The following ANKRD17 variants were observed in gnomAD, a reference collection of about 807,000 sequenced individuals.
ANKRD17 encodes ankyrin repeat domain 17.
ANKRD17 carries 19 observed loss-of-function variants against 229.7 expected under a neutral mutation model. The ratio of observed to expected loss-of-function variants is 0.08; its 90% CI spans 0.06 to 0.12. ANKRD17 has a LOEUF of 0.12. Among genes scored for constraint, ANKRD17 ranks in the 10% least tolerant of loss-of-function variants. ANKRD17 has a pLI of 1.00. For synonymous variants in ANKRD17, 1,112 were observed against 1,146.1 expected, an observed-to-expected ratio of 0.97 and a Z score of 0.60; for missense variants, 2,176 against 3,176.8, an observed-to-expected ratio of 0.68 and a Z score of 7.57.
intron 1 of ANKRD17, among the ~76,000 whole-genome samples, chr4:73,215,578 T>C (rs1740917373): frequency 6.6e-6 from 1 of 152,142 alleles, no homozygotes; most frequent in African/African-American, 2.4e-5. Context: ...TTTTTAAAAA[T>C]ATTGCAGAAT....
At chr4:73,237,560 A>G (rs1331430385) in intron 1 of ANKRD17, among the ~76,000 whole-genome samples, 2 of 152,220 alleles carry the variant, frequency 1.3e-5, no homozygotes, top group Admixed American at 6.5e-5. Flanking sequence ...GAAAAGGAAG[A>G]AAAGGTACAA....
intron 18 of ANKRD17, among the ~76,000 whole-genome samples, chr4:73,124,369 C>G (rs1052979238): frequency 7.3e-5 from 11 of 150,070 alleles, no homozygotes; most frequent in African/African-American, 2.7e-4. Context: ...TTTCTTGAGC[C>G]TAGCTAATCT....
chr4:73,147,577 C>T (rs1266681573), intron 8 of ANKRD17, 145 bp from the exon 9 acceptor site: 6 of 631,850 alleles, frequency 9.5e-6, no homozygotes. Flanking sequence ...TCTCCTAACT[C>T]CTAAGGCAGT....
chr4:73,239,874 T>C (rs1469753285), intron 1 of ANKRD17, among the ~76,000 whole-genome samples: 1 of 152,208 alleles, frequency 6.6e-6, no homozygotes, highest in Non-Finnish European at 1.5e-5. Flanking sequence ...ACCCCCTCAA[T>C]AGAATTAAAT....
At chr4:73,087,245 C>A (rs189871323) in intron 29 of ANKRD17, among the ~76,000 whole-genome samples, 20 of 151,590 alleles carry the variant, frequency 1.3e-4, no homozygotes, top group African/African-American at 4.6e-4. Flanking sequence ...GCCACCACAC[C>A]CAGCTTTTTT....
rs752527607 is a variant in ANKRD17 at position 73,120,978 on chromosome 4, T to C, written c.3752A>G (p.Asn1251Ser). ...GSDINAQIET[N>S]RNTALTLACF... ...GGCTAAAGTAAGGGCAGTGTTCCGA[T>C]TGGTTTCTATCTGAGCATTTATGTC... The change falls in exon 20 of 34, where the codon AAT (asparagine) becomes AGT (serine). Residue 1251 changes from asparagine (N) to serine (S), a missense_variant. Transcript: ENST00000358602. The C allele has an allele frequency of 1.9e-6, 3 of 1,613,854 alleles. No individual in the cohort carries two copies. Among genetic ancestry groups the C allele is most frequent in the Non-Finnish European group, 2.5e-6 (3 of 1,179,910 alleles).
chr4:73,118,545 T>C (rs1295493571), intron 22 of ANKRD17, 143 bp downstream of exon 22: 10 of 892,670 alleles, frequency 1.1e-5, no homozygotes, highest in African/African-American at 1.7e-5. Context: ...ACATTTAATG[T>C]TGCCATAAGA....
In ANKRD17 at chr4:73,121,604, G is replaced by A; in HGVS notation, c.3635+13C>T. ...ACTAAATAAGGGGCTTACAGAAAGG[G>A]AATACAACTTGCCTAGAGTTAATCT... On this transcript the variant is annotated intron_variant, in intron 19 of 33. Coordinates refer to ENST00000358602, the MANE Select transcript of ANKRD17 (RefSeq NM_032217.5). 6.2e-7 allele frequency: 1 copy of A among 1,613,378 alleles called. No homozygotes were observed. Among genetic ancestry groups the A allele is most frequent in the African/African-American group, 1.3e-5 (1 of 74,998 alleles).
At chr4:73,187,625 T>C (rs1287406538) in intron 1 of ANKRD17, among the ~76,000 whole-genome samples, 2 of 152,194 alleles carry the variant, frequency 1.3e-5, no homozygotes, top group African/African-American at 2.4e-5. Flanking sequence ...AAGGAGGCCT[T>C]TGAGCACCAA....
intron 1 of ANKRD17, among the ~76,000 whole-genome samples, chr4:73,240,432 T>C (rs189513520): frequency 6.9e-6 from 1 of 145,688 alleles, no homozygotes; most frequent in African/African-American, 2.6e-5. Context: ...TAGAATAACT[T>C]GGGCAACACA....
intron 27 of ANKRD17, among the ~76,000 whole-genome samples, chr4:73,094,549 G>A (rs184974058): frequency 2.6e-5 from 4 of 152,104 alleles, no homozygotes; most frequent in Non-Finnish European, 5.9e-5. Context: ...AAATAAGACA[G>A]ACATGGGTTT....
Position 73,227,094 on chromosome 4 carries a change from G to A in ANKRD17, c.393+31182C>T, listed in dbSNP as rs542387226. Among the ~76,000 whole-genome samples, 6 of 152,208 alleles carry A rather than the reference G, an allele frequency of 3.9e-5. No individual in the cohort carries two copies. The East Asian group carries it at 1.2e-3, about 29-fold the overall frequency. The stretch of plus-strand genomic sequence containing the variant: ...GATACCATGGGCAAAAGGATATAAA[G>A]AGAAATTTATACATATTTGTCTAAA... On this transcript the variant is annotated intron_variant, in intron 1 of 33. Transcript: ENST00000358602.
Position 73,250,589 on chromosome 4 carries a change from CAAAAAAAAAAA to C in ANKRD17, c.393+7676_393+7686del, listed in dbSNP as rs35160047. ...CACTCCAGCATAGATGACCTTGTCT[CAAAAAAAAAAA>C]AAAAAAAAAAAAAAACAGAAAAAAA... On this transcript the variant is annotated intron_variant, in intron 1 of 33. Transcript: ENST00000358602. Among the ~76,000 whole-genome samples, 160 of 29,420 alleles carry C rather than the reference CAAAAAAAAAAA, an allele frequency of 5.4e-3. 4 individuals carry two copies. Among genetic ancestry groups the C allele is most frequent in the African/African-American group, 0.024 (143 of 5,950 alleles). 19.3% of individuals were successfully genotyped at this position (29,420 alleles called of 152,430 possible). A position where few individuals can be genotyped will look rare whatever the true frequency, so the allele number is the denominator to read the frequency against.
At chr4:73,086,794 T>C (rs1028561994) in intron 29 of ANKRD17, among the ~76,000 whole-genome samples, 94 of 146,522 alleles carry the variant, frequency 6.4e-4, no homozygotes, top group African/African-American at 2.2e-3. Context: ...ATAGAACACA[T>C]GTCAATATTG....
Position 73,098,159 on chromosome 4 carries a change from G to A in ANKRD17, c.4935C>T (p.Thr1645=). 3 of 1,614,204 alleles carry A rather than the reference G, an allele frequency of 1.9e-6. No individual in the cohort carries two copies. ...SDNHSPAVVT[T]TVSSKKQPSV... The stretch of plus-strand genomic sequence containing the variant: ...ATGGCTGCTTTTTGCTGCTCACAGT[G>A]GTAGTGACCACAGCTGGTGAATGAT... Residue 1645 remains threonine (T), a synonymous_variant, in exon 26 of 34, where the codon ACC becomes ACT. Transcript: ENST00000358602.
intron 1 of ANKRD17, among the ~76,000 whole-genome samples, chr4:73,220,962 C>A (rs889545405): frequency 6.6e-6 from 1 of 152,046 alleles, no homozygotes; most frequent in East Asian, 1.9e-4. Context: ...TAATAAATAT[C>A]TGTTTACTTG....
intron 1 of ANKRD17, among the ~76,000 whole-genome samples, chr4:73,181,775 C>T (rs1395296166): frequency 6.6e-6 from 1 of 151,880 alleles, no homozygotes; most frequent in Non-Finnish European, 1.5e-5. Context: ...GAGCTGGGCA[C>T]GGTGGCTCAC....
Position 73,179,494 on chromosome 4 carries a change from A to G in ANKRD17, c.394-1961T>C, listed in dbSNP as rs564041709. On this transcript the variant is annotated intron_variant, in intron 1 of 33. Coordinates refer to ENST00000358602, the MANE Select transcript of ANKRD17 (RefSeq NM_032217.5). ...TGTGTGTGTGTGTGTGTGTGTATAT[A>G]TATATATATATATATATATATATAT... 3.1e-3 allele frequency among the ~76,000 whole-genome samples: 198 copies of G among 63,496 alleles called. 1 individual carries two copies. Among genetic ancestry groups the G allele is most frequent in the African/African-American group, 0.012 (181 of 15,628 alleles). 41.7% of individuals were successfully genotyped at this position (63,496 alleles called of 152,430 possible).
chr4:73,090,920 T>C lies in ANKRD17; in HGVS notation c.6708A>G (p.Pro2236=). ...TQSACQNSVH[P]ANKPIAPNFS... ...AATTGGGAGCAATAGGCTTATTTGC[T>C]GGATGTACTGAATTCTGACAAGCAC... Residue 2236 remains proline, a synonymous_variant, in exon 29 of 34, where the codon CCA becomes CCG. Coordinates refer to ENST00000358602, the MANE Select transcript of ANKRD17 (RefSeq NM_032217.5). 6.2e-7 allele frequency: 1 copy of C among 1,614,238 alleles called. No homozygotes were observed. Among genetic ancestry groups the C allele is most frequent in the Non-Finnish European group, 8.5e-7 (1 of 1,180,042 alleles).
Sources: allele counts gnomAD v4.1 joint callset (sites outside exome capture counted in the v4.1 genomes callset), GRCh38; gene constraint gnomAD v4.1.1; transcripts MANE v1.5; gene names NCBI Gene and HGNC (gene_info 2026-07-23, HGNC 2026-07-21).